The following PKP4 variants were observed in gnomAD, a reference collection of about 807,000 sequenced individuals.
PKP4 encodes plakophilin 4.
A neutral mutation model predicts 145.1 loss-of-function variants in PKP4; 90 were observed. That is an observed-to-expected ratio of 0.62 (90% CI 0.52 to 0.74). PKP4 has a LOEUF of 0.74. PKP4 is among the 30% of genes least tolerant of loss of function. The probability of loss-of-function intolerance (pLI) is 0.00; values close to 1 mark genes in which losing one functional copy is unlikely to be tolerated. For missense variants in PKP4, 1,340 were observed against 1,482.7 expected, an observed-to-expected ratio of 0.90 and a Z score of 1.58; for synonymous variants, 563 against 577.2, an observed-to-expected ratio of 0.98 and a Z score of 0.35.
intron 3 of PKP4, among the ~76,000 whole-genome samples, chr2:158,584,959 C>T (rs1176081174): frequency 6.6e-6 from 1 of 151,796 alleles, no homozygotes; most frequent in African/African-American, 2.4e-5. Flanking sequence ...TTTTACAAAT[C>T]GTAGTTTGTC....
At chr2:158,550,153 A>G (rs953185289) in intron 2 of PKP4, among the ~76,000 whole-genome samples, 15 of 101,430 alleles carry the variant, frequency 1.5e-4, no homozygotes, top group African/African-American at 3.8e-4. Flanking sequence ...AAGTTAAACA[A>G]TCTATTAATG....
chr2:158,506,012 T>C (rs2040944711), intron 1 of PKP4, among the ~76,000 whole-genome samples: 1 of 152,196 alleles, frequency 6.6e-6, no homozygotes, highest in African/African-American at 2.4e-5. Context: ...CCTGAACTTT[T>C]TCCCTCCAAG....
At chr2:158,491,112 T>C (rs539832329) in intron 1 of PKP4, among the ~76,000 whole-genome samples, 49 of 152,212 alleles carry the variant, frequency 3.2e-4, no homozygotes, top group Non-Finnish European at 6.5e-4. Flanking sequence ...GCTTGTTGAT[T>C]CTGACTGCAG....
chr2:158,473,496 G>T (rs1201015567), intron 1 of PKP4, among the ~76,000 whole-genome samples: 1 of 152,056 alleles, frequency 6.6e-6, no homozygotes, highest in East Asian at 1.9e-4. Context: ...AACAAGATCC[G>T]GTCTTTTGCA....
intron 11 of PKP4, among the ~76,000 whole-genome samples, chr2:158,645,155 A>G (rs2054703356): frequency 6.6e-6 from 1 of 152,218 alleles, no homozygotes; most frequent in Non-Finnish European, 1.5e-5. Flanking sequence ...TAAATCTGGA[A>G]TGGACCATCT....
At chr2:158,488,007 T>A (rs1694418314) in intron 1 of PKP4, among the ~76,000 whole-genome samples, 1 of 152,208 alleles carries the variant, frequency 6.6e-6, no homozygotes, top group Admixed American at 6.5e-5. Context: ...TCATTTCTGA[T>A]TTCTTTGCAC....
At chr2:158,469,017 A>C (rs1559181470) in intron 1 of PKP4, among the ~76,000 whole-genome samples, 1 of 151,632 alleles carries the variant, frequency 6.6e-6, no homozygotes, top group Non-Finnish European at 1.5e-5. Context: ...GGCCACAAGC[A>C]ATCCTCCTGC....
chr2:158,560,945 C>T (rs908614136), intron 2 of PKP4, among the ~76,000 whole-genome samples: 1 of 152,182 alleles, frequency 6.6e-6, no homozygotes, highest in African/African-American at 2.4e-5. Context: ...AAATCGTATG[C>T]CTTTAAAGAG....
intron 1 of PKP4, among the ~76,000 whole-genome samples, chr2:158,490,046 C>T (rs1297531386): frequency 6.6e-6 from 1 of 152,076 alleles, no homozygotes; most frequent in Non-Finnish European, 1.5e-5. Context: ...CTCAGATTGT[C>T]TTTTTAAAAT....
At chr2:158,645,008 A>G (rs2054692611) in intron 11 of PKP4, among the ~76,000 whole-genome samples, 1 of 152,212 alleles carries the variant, frequency 6.6e-6, no homozygotes, top group Admixed American at 6.5e-5. Context: ...ACACTTGGGA[A>G]TGAATAAACT....
intron 21 of PKP4, chr2:158,679,158 A>G (rs925833004): frequency 6.2e-6 from 1 of 161,158 alleles, no homozygotes; most frequent in Non-Finnish European, 1.4e-5. Flanking sequence ...GCCGGGATGG[A>G]CCTCACTGTG....
At chr2:158,589,737 TAAAG>T (rs1278231735) in intron 3 of PKP4, among the ~76,000 whole-genome samples, 2 of 152,154 alleles carry the variant, frequency 1.3e-5, no homozygotes, top group Admixed American at 6.5e-5. Context: ...CATGATGAAA[TAAAG>T]GAAGGTTGGT....
At chr2:158,486,093 T>C (rs907474000) in intron 1 of PKP4, among the ~76,000 whole-genome samples, 2 of 152,200 alleles carry the variant, frequency 1.3e-5, no homozygotes, top group African/African-American at 4.8e-5. Flanking sequence ...AATTGGAATT[T>C]ATAACATTAA....
intron 2 of PKP4, among the ~76,000 whole-genome samples, chr2:158,533,975 A>C (rs1212252154): frequency 6.6e-6 from 1 of 152,184 alleles, no homozygotes; most frequent in African/African-American, 2.4e-5. Flanking sequence ...AAGCTTAATA[A>C]GGTAAATGTA....
chr2:158,646,941 C>A (rs898168660), intron 11 of PKP4, among the ~76,000 whole-genome samples: 1 of 152,034 alleles, frequency 6.6e-6, no homozygotes, highest in African/African-American at 2.4e-5. Flanking sequence ...AAATACAGAC[C>A]CTCAGGAGGT....
rs1491297886 is a variant in PKP4, at chr2:158,556,524, T to TC, written c.133-20747_133-20746insC. On this transcript the variant is annotated intron_variant, in intron 2 of 21. Transcript: ENST00000389759. ...ATGAAGCATTGTGGCTCTTTCTCTC[T>TC]TTTTTTTTTTTTTTAACTTGTACTT... 0.036 allele frequency among the ~76,000 whole-genome samples: 117 copies of TC among 3,278 alleles called. 1 individual carries two copies. In the Middle Eastern group the frequency reaches 0.5, roughly 14 times the overall value. The allele number at this position is 3,278 out of a possible 152,430, so 2.2% of individuals were successfully genotyped here. A position where few individuals can be genotyped will look rare whatever the true frequency, so the allele number is the denominator to read the frequency against.
chr2:158,554,142 A>G (rs1051391017), intron 2 of PKP4, among the ~76,000 whole-genome samples: 4 of 149,996 alleles, frequency 2.7e-5, no homozygotes, highest in South Asian at 2.2e-4. Context: ...TGAGACTTCC[A>G]TGCCTGGCTT....
intron 1 of PKP4, among the ~76,000 whole-genome samples, chr2:158,480,590 A>G (rs1216328038): frequency 6.6e-6 from 1 of 151,592 alleles, no homozygotes; most frequent in Non-Finnish European, 1.5e-5. Flanking sequence ...AAAATGATTT[A>G]TTAAAATGGC....
At chr2:158,678,534 C>T in intron 20 of PKP4, 47 bp from the exon 21 acceptor site, 1 of 1,343,148 alleles carries the variant, frequency 7.4e-7, no homozygotes, top group Non-Finnish European at 1.1e-6. Flanking sequence ...CCTAATGGAC[C>T]AGAGTAATAA....
Sources: gnomAD v4.1 joint callset for allele counts (sites outside exome capture counted in the v4.1 genomes callset) on GRCh38, gnomAD v4.1.1 for gene constraint, MANE v1.5 for transcripts, NCBI Gene and HGNC (gene_info 2026-07-23, HGNC 2026-07-21) for gene names.